Variants in NLGN1 observed in about 807,000 individuals in gnomAD.
NLGN1 encodes neuroligin-1.
NLGN1 carries 12 observed loss-of-function variants against 65.5 expected under a neutral mutation model. The ratio of observed to expected loss-of-function variants is 0.18; its 90% CI spans 0.12 to 0.30. The LOEUF (loss-of-function observed/expected upper bound fraction) is 0.30, where lower values mean the gene tolerates loss of function less well. Among genes scored for constraint, NLGN1 ranks in the 10% least tolerant of loss-of-function variants. The pLI is 1.00. For missense variants in NLGN1, 750 were observed against 1,007.1 expected, an observed-to-expected ratio of 0.74 and a Z score of 3.46; for synonymous variants, 350 against 359.5, an observed-to-expected ratio of 0.97 and a Z score of 0.30.
intron 3 of NLGN1, among the ~76,000 whole-genome samples, chr3:173,726,841 T>G (rs1771875289): frequency 6.6e-6 from 1 of 151,726 alleles, no homozygotes; most frequent in Non-Finnish European, 1.5e-5. Flanking sequence ...CAACAAAAGT[T>G]TAAAATTAAT....
At chr3:174,270,754 G>T (rs2152877205) in intron 4 of NLGN1, among the ~76,000 whole-genome samples, 1 of 151,908 alleles carries the variant, frequency 6.6e-6, no homozygotes, top group African/African-American at 2.4e-5. Context: ...GAGGCAGAAT[G>T]CAGAGGAAGA....
rs915890702 is a variant in NLGN1 at position 173,586,639 on chromosome 3, G to C, written c.-320-17640G>C. On this transcript the variant is annotated intron_variant, in intron 2 of 6. Coordinates refer to ENST00000457714, the Ensembl canonical transcript of NLGN1. ...AGTAGACGTTGTGTAGGCTTATTTA[G>C]AGATTATAGAAATAACAATAAATAG... 1.4e-4 allele frequency among the ~76,000 whole-genome samples: 21 copies of C among 152,168 alleles called. 1 individual carries two copies. Among genetic ancestry groups the C allele is most frequent in the African/African-American group, 5.1e-4 (21 of 41,440 alleles).
intron 4 of NLGN1, among the ~76,000 whole-genome samples, chr3:173,869,776 T>G (rs1578890951): frequency 6.6e-6 from 1 of 152,304 alleles, no homozygotes; most frequent in Middle Eastern, 3.4e-3. Flanking sequence ...TTACTGGAAT[T>G]AAAATACGTA....
intron 4 of NLGN1, among the ~76,000 whole-genome samples, chr3:173,878,818 G>A (rs959684719): frequency 1.3e-5 from 2 of 151,984 alleles, no homozygotes; most frequent in Admixed American, 6.6e-5. Flanking sequence ...CTCATATTTC[G>A]TAGGATAAAT....
chr3:174,022,742 G>C (rs1324542514), intron 4 of NLGN1, among the ~76,000 whole-genome samples: 1 of 152,042 alleles, frequency 6.6e-6, no homozygotes, highest in East Asian at 1.9e-4. Flanking sequence ...TTTGATGCAG[G>C]GGGTATCTTT....
intron 4 of NLGN1, among the ~76,000 whole-genome samples, chr3:173,870,433 A>G (rs1044810795): frequency 1.3e-5 from 2 of 152,158 alleles, no homozygotes; most frequent in African/African-American, 2.4e-5. Context: ...AAAGAACTAG[A>G]AAAGCAAACA....
At chr3:173,422,585 C>T (rs2148702860) in intron 1 of NLGN1, among the ~76,000 whole-genome samples, 1 of 152,226 alleles carries the variant, frequency 6.6e-6, no homozygotes, top group East Asian at 1.9e-4. Flanking sequence ...TTTACATTCC[C>T]ATAATCAGTT....
chr3:173,497,447 G>A (rs1730223946), intron 2 of NLGN1, among the ~76,000 whole-genome samples: 1 of 151,146 alleles, frequency 6.6e-6, no homozygotes. Context: ...CTCTTAAATA[G>A]CTATCCAGTA....
intron 4 of NLGN1, among the ~76,000 whole-genome samples, chr3:173,846,853 C>T (rs985422636): frequency 6.6e-6 from 1 of 152,164 alleles, no homozygotes; most frequent in African/African-American, 2.4e-5. Context: ...CTATGTGTTA[C>T]TAAATTAAAT....
At chr3:173,745,174 A>C (rs1317522768) in intron 3 of NLGN1, among the ~76,000 whole-genome samples, 1 of 152,082 alleles carries the variant, frequency 6.6e-6, no homozygotes, top group Non-Finnish European at 1.5e-5. Flanking sequence ...AGCTCTTGCC[A>C]TATTTTCTGT....
At chr3:173,926,036 C>G (rs1186612702) in intron 4 of NLGN1, among the ~76,000 whole-genome samples, 2 of 151,800 alleles carry the variant, frequency 1.3e-5, no homozygotes, top group Non-Finnish European at 2.9e-5. Context: ...ACTAAAAATT[C>G]TAAGATCTTA....
At chr3:174,028,977 T>G (rs1729382640) in intron 4 of NLGN1, among the ~76,000 whole-genome samples, 1 of 151,882 alleles carries the variant, frequency 6.6e-6, no homozygotes, top group Non-Finnish European at 1.5e-5. Flanking sequence ...CATCAGAGGA[T>G]GTACGGAAAT....
intron 2 of NLGN1, among the ~76,000 whole-genome samples, chr3:173,551,272 GTCA>G (rs1400672510): frequency 2.8e-4 from 43 of 152,144 alleles, no homozygotes; most frequent in Non-Finnish European, 3.5e-4. Flanking sequence ...GAAATTAAAG[GTCA>G]TCATATTTTA....
At chr3:173,906,468 G>A (rs992307013) in intron 4 of NLGN1, among the ~76,000 whole-genome samples, 1 of 151,974 alleles carries the variant, frequency 6.6e-6, no homozygotes, top group African/African-American at 2.4e-5. Context: ...GGATATAAAA[G>A]AGATATCACC....
At chr3:174,273,273 G>A (rs570717445) in intron 4 of NLGN1, among the ~76,000 whole-genome samples, 1 of 145,248 alleles carries the variant, frequency 6.9e-6, no homozygotes, top group South Asian at 2.2e-4. Context: ...AGAGTATTAT[G>A]TTCTTATTCT....
intron 4 of NLGN1, among the ~76,000 whole-genome samples, chr3:174,159,988 T>C (rs981993373): frequency 6.6e-6 from 1 of 151,772 alleles, no homozygotes; most frequent in African/African-American, 2.4e-5. Context: ...TCTTACGAGA[T>C]TTTCTTTCTT....
intron 2 of NLGN1, among the ~76,000 whole-genome samples, chr3:173,568,884 T>C (rs1185244460): frequency 6.6e-6 from 1 of 152,160 alleles, no homozygotes; most frequent in Non-Finnish European, 1.5e-5. Context: ...TTTCACCTGT[T>C]AGCCAGGGTG....
intron 3 of NLGN1, chr3:173,800,259 T>G (rs971968231): frequency 1.2e-6 from 1 of 841,298 alleles, no homozygotes; most frequent in South Asian, 1.9e-5. Flanking sequence ...TTGTCTTTTT[T>G]TTTTTTCCTC....
chr3:173,625,249 G>C (rs1036563638), intron 3 of NLGN1, among the ~76,000 whole-genome samples: 1 of 152,056 alleles, frequency 6.6e-6, no homozygotes, highest in Non-Finnish European at 1.5e-5. Flanking sequence ...GTAATCTAGG[G>C]AAATTTTTCA....
Sources: gnomAD v4.1 joint callset for allele counts (sites outside exome capture counted in the v4.1 genomes callset) on GRCh38, gnomAD v4.1.1 for gene constraint, MANE v1.5 for transcripts, NCBI Gene and HGNC (gene_info 2026-07-23, HGNC 2026-07-21) for gene names.